DMD: variants seen among roughly 807,000 people sequenced by gnomAD.
DMD encodes the protein mutant dystrophin.
A neutral mutation model predicts 330.1 loss-of-function variants in DMD; 63 were observed. The observed-to-expected ratio is 0.19, with a 90% confidence interval of 0.16 to 0.24. DMD has a LOEUF of 0.24. DMD is among the 10% of genes least tolerant of loss of function. The pLI is 1.00. For synonymous variants in DMD, 1,223 were observed against 959.8 expected, an observed-to-expected ratio of 1.27 and a Z score of -5.07; for missense variants, 3,344 against 2,684.1, an observed-to-expected ratio of 1.25 and a Z score of -5.43.
chrX:32,927,096 C>G (rs1193416051), intron 2 of DMD, among the ~76,000 whole-genome samples: 1 of 110,616 alleles, frequency 9.0e-6, no homozygotes, highest in East Asian at 2.9e-4. Context: ...TCCATAGTAC[C>G]CTTCGCTACA....
intron 29 of DMD, among the ~76,000 whole-genome samples, chrX:32,433,876 T>C (rs961463019): frequency 1.8e-5 from 2 of 111,923 alleles, no homozygotes; most frequent in Non-Finnish European, 3.8e-5. Flanking sequence ...AATAAAGCTA[T>C]TACAATAGTT....
chrX:32,041,868 C>T (rs2147377508), intron 44 of DMD, among the ~76,000 whole-genome samples: 1 of 107,124 alleles, frequency 9.3e-6, no homozygotes, highest in South Asian at 4.2e-4. Flanking sequence ...AAGAACAGGG[C>T]TCCAAGTGGT....
intron 37 of DMD, among the ~76,000 whole-genome samples, chrX:32,360,603 C>T (rs765079917): frequency 6.4e-5 from 7 of 109,899 alleles, no homozygotes; most frequent in South Asian, 3.9e-4. Context: ...GCCTGGCCAA[C>T]GTGGTGAAAC....
intron 54 of DMD, among the ~76,000 whole-genome samples, chrX:31,649,431 T>C (rs774003116): frequency 1.4e-4 from 16 of 111,383 alleles, no homozygotes; most frequent in African/African-American, 4.9e-4. Flanking sequence ...CTAGAAACAT[T>C]CTAATTACTT....
At chrX:32,652,022 G>A (rs1028743721) in intron 9 of DMD, among the ~76,000 whole-genome samples, 4 of 111,294 alleles carry the variant, frequency 3.6e-5, no homozygotes, top group African/African-American at 9.8e-5. Context: ...TTGTGCCTCC[G>A]ATGCTCCAGT....
In DMD at chrX:32,554,821, G is replaced by A. The variant is rs6631602; in HGVS notation, c.1993-9487C>T. Reference sequence around the variant, plus strand: ...ACCTGGGAGGGAGGGAGGGAGGGAGGGAGGGGGAGGGAGAGAGAGAGAGAG... The same window carrying A: ...ACCTGGGAGGGAGGGAGGGAGGGAGAGAGGGGGAGGGAGAGAGAGAGAGAG... On this transcript the variant is annotated intron_variant, in intron 16 of 78. Transcript: ENST00000357033. Among the ~76,000 whole-genome samples the A allele has an allele frequency of 2.3e-3, 18 of 7,858 alleles. 1 individual carries two copies. The highest frequency in any genetic ancestry group is 3.1e-3 in the Non-Finnish European group (15 of 4,893). The allele number at this position is 7,858 out of a possible 115,157, so 6.8% of individuals were successfully genotyped here. A position where few individuals can be genotyped will look rare whatever the true frequency, so the allele number is the denominator to read the frequency against.
At chrX:31,324,081 C>T (rs2056606973) in intron 61 of DMD, among the ~76,000 whole-genome samples, 1 of 111,221 alleles carries the variant, frequency 9.0e-6, no homozygotes, top group African/African-American at 3.3e-5. Flanking sequence ...GATATATTTA[C>T]ATTCTAAGTT....
intron 34 of DMD, 127 bp downstream of exon 34, chrX:32,380,383 G>A: frequency 1.5e-6 from 1 of 669,226 alleles, no homozygotes; most frequent in East Asian, 3.5e-5. Context: ...TAATTTTTAA[G>A]AAAGGGAATA....
At chrX:32,805,397 G>A (rs2076878874) in intron 7 of DMD, among the ~76,000 whole-genome samples, 1 of 111,725 alleles carries the variant, frequency 9.0e-6, no homozygotes, top group Non-Finnish European at 1.9e-5. Flanking sequence ...AATAAAGTGT[G>A]AAGACAAGAT....
At chrX:33,086,694 G>A (rs971674053) in intron 1 of DMD, among the ~76,000 whole-genome samples, 1 of 109,780 alleles carries the variant, frequency 9.1e-6, no homozygotes, top group Non-Finnish European at 1.9e-5. Context: ...AATCCAAGCT[G>A]TTAGATTTTA....
intron 67 of DMD, among the ~76,000 whole-genome samples, chrX:31,196,276 T>C (rs1019926173): frequency 1.8e-5 from 2 of 111,490 alleles, no homozygotes; most frequent in Non-Finnish European, 3.8e-5. Flanking sequence ...CAGCCAGCTA[T>C]CTCTATGGAA....
intron 77 of DMD, among the ~76,000 whole-genome samples, chrX:31,131,340 T>C (rs1408687690): frequency 8.9e-6 from 1 of 112,171 alleles, no homozygotes; most frequent in Non-Finnish European, 1.9e-5. Flanking sequence ...GCACTGTATG[T>C]AGTATGGAAG....
At chrX:31,433,051 A>T (rs1291396212) in intron 60 of DMD, among the ~76,000 whole-genome samples, 1 of 111,557 alleles carries the variant, frequency 9.0e-6, no homozygotes, top group African/African-American at 3.3e-5. Flanking sequence ...CCCTTGTCCC[A>T]CACCCTCCTG....
At chrX:31,899,465 A>G (rs2094393281) in intron 47 of DMD, among the ~76,000 whole-genome samples, 1 of 110,852 alleles carries the variant, frequency 9.0e-6, no homozygotes, top group Non-Finnish European at 1.9e-5. Context: ...AAAAAAGTGA[A>G]GTCCATCATA....
chrX:32,742,110 T>C (rs893260365), intron 7 of DMD, among the ~76,000 whole-genome samples: 1 of 111,802 alleles, frequency 8.9e-6, no homozygotes, highest in African/African-American at 3.2e-5. Flanking sequence ...GCTATGGTCA[T>C]GCCACTATGA....
chrX:31,336,620 G>A (rs1323954166), intron 61 of DMD, among the ~76,000 whole-genome samples: 1 of 112,488 alleles, frequency 8.9e-6, no homozygotes, highest in East Asian at 2.8e-4. Context: ...CTGTGAGATG[G>A]CATTACCCTT....
chrX:31,840,216 A>T (rs773411653), intron 48 of DMD, among the ~76,000 whole-genome samples: 9 of 111,768 alleles, frequency 8.1e-5, no homozygotes, highest in Non-Finnish European at 1.5e-4. Context: ...TACTTATATT[A>T]TTCCAACCTT....
chrX:32,649,559 TA>T (rs1161462889), intron 9 of DMD, among the ~76,000 whole-genome samples: 1,996 of 54,230 alleles, frequency 0.037, 30 homozygotes, highest in Non-Finnish European at 0.048. Context: ...CCGTCTCTTT[TA>T]AAAAAAAAAA....
chrX:32,197,604 AATTT>A (rs1336618551), intron 44 of DMD, among the ~76,000 whole-genome samples: 3 of 111,822 alleles, frequency 2.7e-5, no homozygotes, highest in African/African-American at 9.7e-5. Context: ...TAACATCAAA[AATTT>A]ATTGGACATT....
Sources: gnomAD v4.1 joint callset for allele counts (sites outside exome capture counted in the v4.1 genomes callset) on GRCh38, gnomAD v4.1.1 for gene constraint, MANE v1.5 for transcripts, NCBI Gene and HGNC (gene_info 2026-07-23, HGNC 2026-07-21) for gene names.